RYR1: variants seen among roughly 807,000 people sequenced by gnomAD.
RYR1 encodes the protein ryanodine receptor 1, also known as central core disease of muscle.
Under a neutral mutation model 583.5 loss-of-function variants are expected in RYR1, and 342 were observed. The ratio of observed to expected loss-of-function variants is 0.59; its 90% CI spans 0.54 to 0.64. The LOEUF (loss-of-function observed/expected upper bound fraction) is 0.64, where lower values mean the gene tolerates loss of function less well. Among genes scored for constraint, RYR1 ranks in the 30% least tolerant of loss-of-function variants. The pLI is 0.00. For missense variants in RYR1, 6,032 were observed against 6,917.2 expected, an observed-to-expected ratio of 0.87 and a Z score of 4.54; for synonymous variants, 2,791 against 2,822.5, an observed-to-expected ratio of 0.99 and a Z score of 0.35.
rs1376393998 is a variant in RYR1 at position 38,452,985 on chromosome 19, C to A, written c.1411C>A (p.Arg471Ser). 5 of 1,613,840 alleles carry A rather than the reference C, an allele frequency of 3.1e-6. No homozygotes were observed. Among genetic ancestry groups the A allele is most frequent in the Non-Finnish European group, 4.2e-6 (5 of 1,179,810 alleles). The change falls in exon 13 of 106, where the codon CGC (arginine) becomes AGC (serine). Residue 471 changes from arginine to serine, a missense_variant. Around this residue, in one of 11 missense-constraint regions of RYR1, gnomAD observed 2,627 missense variants for 2,961.3 expected, o/e 0.89. Transcript: ENST00000359596. ...GAAGCAGAGCAAGCTGCGAAGCCTG[C>A]GCAACCGCCAGAGCCTCTTCCAGGA... Reference protein sequence around the residue: ...EEKQSKLRSLRNRQSLFQEEG... With the variant: ...EEKQSKLRSLSNRQSLFQEEG...
chr19:38,510,540 A>C lies in RYR1; in HGVS notation c.8975A>C (p.Glu2992Ala). Residue 2992 changes from glutamate (E) to alanine (A), a missense_variant, in exon 59 of 106, where the codon GAA becomes GCA. Glu to Ala is a moderately radical substitution (Grantham distance 107, BLOSUM62 -1). Coordinates refer to ENST00000359596, the MANE Select transcript of RYR1 (RefSeq NM_000540.3). ...GGGCGAGTGGAAAAGTCCCCACATG[A>C]ACAGGAGATTAAATTCTTTGCCAAG... Reference protein sequence around the residue: ...SSGRVEKSPHEQEIKFFAKIL... With the variant: ...SSGRVEKSPHAQEIKFFAKIL... 1 of 1,614,136 alleles carries C rather than the reference A, an allele frequency of 6.2e-7. No individual in the cohort carries two copies.
At chr19:38,457,038 T>G (rs1405379369) in intron 16 of RYR1, among the ~76,000 whole-genome samples, 1 of 58,430 alleles carries the variant, frequency 1.7e-5, no homozygotes, top group Non-Finnish European at 2.9e-5. Context: ...AGAGCCAGAC[T>G]CCATCTCCAA....
Position 38,458,296 on chromosome 19 carries a change from C to A in RYR1, c.2167+4C>A, listed in dbSNP as rs1159921891. ...GATGGACTGCATCTCTGGACAGGTA[C>A]CTGACCCCTTCCAGGGGACCCTCAC... On this transcript the variant is annotated splice_donor_region_variant and intron_variant, in intron 18 of 105. Transcript: ENST00000359596. 7 of 1,613,456 alleles carry A rather than the reference C, an allele frequency of 4.3e-6. 1 individual carries two copies. The South Asian group carries it at 7.7e-5, about 18-fold the overall frequency.
At chr19:38,521,715 A>ATT (rs76100552) in intron 67 of RYR1, among the ~76,000 whole-genome samples, 5 of 137,794 alleles carry the variant, frequency 3.6e-5, no homozygotes, top group Admixed American at 7.5e-5. Flanking sequence ...AAAAAAGAAA[A>ATT]TTTTTTTTTT....
At position 38,485,790 on chromosome 19, in the gene RYR1, ACCT is replaced by A. The variant is rs1438501767; in HGVS notation, c.5140_5142del (p.Leu1714del). 2 of 1,612,856 alleles carry A rather than the reference ACCT, an allele frequency of 1.2e-6. No individual in the cohort carries two copies. The stretch of plus-strand genomic sequence containing the variant: ...GGCCCACTGCGCGCAGGCTACTATG[ACCT>A]CCTCATCAGCATCCACCTCGAAAGT... On this transcript the variant is annotated inframe_deletion, in exon 34 of 106. Coordinates refer to ENST00000359596, the MANE Select transcript of RYR1 (RefSeq NM_000540.3).
At chr19:38,464,296 AAAAAAAAAAAAAAG>A (rs1370480921) in intron 22 of RYR1, among the ~76,000 whole-genome samples, 25 of 150,550 alleles carry the variant, frequency 1.7e-4, no homozygotes, top group Non-Finnish European at 7.4e-5. Context: ...AAAAAAAAAA[AAAAAAAAAAAAAAG>A]AAGCAAACGG....
At chr19:38,493,515 C>CTTTT (rs1568492618) in intron 38 of RYR1, among the ~76,000 whole-genome samples, 2 of 143,060 alleles carry the variant, frequency 1.4e-5, no homozygotes, top group African/African-American at 5.2e-5. Context: ...TTTTCTTTTT[C>CTTTT]GTTTTTTTTT....
In RYR1 at chr19:38,469,072, T is replaced by A; in HGVS notation, c.3488T>A (p.Leu1163His). The change falls in exon 26 of 106, where the codon CTC becomes CAC. Residue 1163 changes from leucine (L) to histidine (H), a missense_variant. By Grantham distance (99) the Leu-to-His change is moderately conservative (BLOSUM62 -3). Transcript: ENST00000359596. Reference protein sequence around the residue: ...DLTENTIIFTLNGEVLMSDSG... With the variant: ...DLTENTIIFTHNGEVLMSDSG... ...ACAGAGAACACCATTATCTTCACCCTCAATGGCGAGGTCCTCATGTCTGAC... is the reference window on the plus strand; with the variant it reads ...ACAGAGAACACCATTATCTTCACCCACAATGGCGAGGTCCTCATGTCTGAC... 1 of 1,614,126 alleles carries A rather than the reference T, an allele frequency of 6.2e-7. No individual in the cohort carries two copies. Among genetic ancestry groups the A allele is most frequent in the Non-Finnish European group, 8.5e-7 (1 of 1,180,020 alleles).
chr19:38,574,293 G>GAAA (rs61299111), intron 96 of RYR1, among the ~76,000 whole-genome samples: 2 of 137,146 alleles, frequency 1.5e-5, no homozygotes. Context: ...AAAAAGAAAG[G>GAAA]AAAAAAAAAA....
rs1313978093 is a variant in RYR1, at chr19:38,510,857, C to T, written c.9122+76C>T. ...ATCCTTTGCCCATGGAGGCTCTGTCCTGGGTGCTGGGTGTTGGGTACTGAC... is the reference window on the plus strand; with the variant it reads ...ATCCTTTGCCCATGGAGGCTCTGTCTTGGGTGCTGGGTGTTGGGTACTGAC... On this transcript the variant is annotated intron_variant, in intron 60 of 105. Coordinates refer to ENST00000359596, the MANE Select transcript of RYR1 (RefSeq NM_000540.3). 14 of 1,596,730 alleles carry T rather than the reference C, an allele frequency of 8.8e-6. No homozygotes were observed. In the Admixed American group the frequency reaches 2.4e-4, roughly 27 times the overall value.
In RYR1 at chr19:38,490,760, C is replaced by G. The variant is rs751228951; in HGVS notation, c.6127+28C>G. On this transcript the variant is annotated intron_variant, in intron 37 of 105. Transcript: ENST00000359596. ...AAGGAGTGGGGATCAGAGAGTCCTCCCCATGCTAACTTTCTCTCGAGACCT... is the reference window on the plus strand; with the variant it reads ...AAGGAGTGGGGATCAGAGAGTCCTCGCCATGCTAACTTTCTCTCGAGACCT... The G allele has an allele frequency of 2.1e-6, 3 of 1,432,940 alleles. No homozygotes were observed. The South Asian group carries it at 3.4e-5, about 16-fold the overall frequency. The allele number at this position is 1,432,940 out of a possible 1,614,324, so 88.8% of individuals were successfully genotyped here. A position where few individuals can be genotyped will look rare whatever the true frequency, so the allele number is the denominator to read the frequency against.
At chr19:38,490,800 C>T in intron 37 of RYR1, 68 bp downstream of exon 37, 1 of 988,528 alleles carries the variant, frequency 1.0e-6, no homozygotes, top group African/African-American at 1.6e-5. Context: ...AGAAGTTTCC[C>T]TAAGATTTCC....
chr19:38,460,998 A>G lies in RYR1; in HGVS notation c.2577+407A>G, dbSNP rs149025063. 3.9e-5 allele frequency among the ~76,000 whole-genome samples: 6 copies of G among 152,114 alleles called. No individual in the cohort carries two copies. The South Asian group carries it at 1.2e-3, about 32-fold the overall frequency. ...GAAACTCCATGTCAAAACAAAACAA[A>G]ACAAAAAACAAAAATTAGCATGGTG... On this transcript the variant is annotated intron_variant, in intron 20 of 105. Coordinates refer to ENST00000359596, the MANE Select transcript of RYR1 (RefSeq NM_000540.3).
rs752929502 is a variant in RYR1 at position 38,548,352 on chromosome 19, G to A, written c.12214G>A (p.Gly4072Ser). ...DMFLKLKDIVGSEAFQDYVTD... is the reference protein window; with the variant it reads ...DMFLKLKDIVSSEAFQDYVTD... ...GTTCCTGAAACTCAAGGACATTGTG[G>A]GCTCTGAAGCCTTCCAGGACTACGT... The change falls in exon 89 of 106, where the codon GGC (glycine) becomes AGC (serine). Residue 4072 changes from glycine (G) to serine (S), a missense_variant. Around this residue, in one of 11 missense-constraint regions of RYR1, gnomAD observed 753 missense variants for 759.6 expected, o/e 0.99. Transcript: ENST00000359596. 1.2e-6 allele frequency: 2 copies of A among 1,614,134 alleles called. No homozygotes were observed. The highest frequency in any genetic ancestry group is 2.2e-5 in the South Asian group (2 of 91,072).
At chr19:38,506,241 G>A in intron 54 of RYR1, 62 bp from the exon 55 acceptor site, 1 of 1,553,644 alleles carries the variant, frequency 6.4e-7, no homozygotes, top group Non-Finnish European at 8.9e-7. Flanking sequence ...CCTGGGGAGG[G>A]GCTGGCCTGG....
At position 38,504,480 on chromosome 19, in the gene RYR1, T is replaced by C; in HGVS notation, c.8067+120T>C. 3 of 1,332,490 alleles carry C rather than the reference T, an allele frequency of 2.3e-6. No homozygotes were observed. The South Asian group carries it at 4.2e-5, about 19-fold the overall frequency. The allele number at this position is 1,332,490 out of a possible 1,614,324, so 82.5% of individuals were successfully genotyped here. A position where few individuals can be genotyped will look rare whatever the true frequency, so the allele number is the denominator to read the frequency against. On this transcript the variant is annotated intron_variant, in intron 50 of 105. Transcript: ENST00000359596. ...CAAGGAGGAGAAGGTTCTGCAAGTT[T>C]GGATCTAGGAGGATCTATGGGTTGA...
intron 76 of RYR1, 103 bp downstream of exon 76, chr19:38,529,160 G>T: frequency 8.7e-7 from 1 of 1,148,702 alleles, no homozygotes. Flanking sequence ...CAGGTCCTGG[G>T]GGAGCCCAAG....
At position 38,532,688 on chromosome 19, in the gene RYR1, G is replaced by T; in HGVS notation, c.11211G>T (p.Glu3737Asp). 6.2e-7 allele frequency: 1 copy of T among 1,614,146 alleles called. No homozygotes were observed. The highest frequency in any genetic ancestry group is 8.5e-7 in the Non-Finnish European group (1 of 1,180,026). Residue 3737 changes from glutamate (E) to aspartate (D), a missense_variant, in exon 78 of 106, where the codon GAG becomes GAT. Transcript: ENST00000359596. ...DIMAKSCHLEEGGENGEAEEE... is the reference protein window; with the variant it reads ...DIMAKSCHLEDGGENGEAEEE... ...CTCCCCAGAGCTGCCACCTGGAGGA[G>T]GGAGGGGAGAACGGTGAAGCTGAAG...
At chr19:38,571,918 A>T in intron 94 of RYR1, 101 bp from the exon 95 acceptor site, 1 of 1,545,860 alleles carries the variant, frequency 6.5e-7, no homozygotes, top group South Asian at 1.1e-5. Flanking sequence ...CCAAGACTGT[A>T]TCTGGTATGG....
Sources: allele counts gnomAD v4.1 joint callset (sites outside exome capture counted in the v4.1 genomes callset), GRCh38; gene constraint gnomAD v4.1.1; regional missense constraint gnomAD v4.1.1; transcripts MANE v1.5; gene names NCBI Gene and HGNC (gene_info 2026-07-23, HGNC 2026-07-21).